Variants in DYTN observed in about 807,000 individuals in gnomAD.
DYTN encodes the protein dystrotelin.
Under a neutral mutation model 69.6 loss-of-function variants are expected in DYTN, and 75 were observed. The observed-to-expected ratio is 1.08, with a 90% confidence interval of 0.89 to 1.31. The LOEUF is 1.31. DYTN is among the 50% of genes most tolerant of loss of function. The pLI is 0.00. For missense variants in DYTN, 726 were observed against 688.4 expected (o/e 1.05, Z -0.61); for synonymous variants, 252 against 249.1 (o/e 1.01, Z -0.11).
chr2:206,658,624 T>C lies in DYTN; in HGVS notation c.1633+4279A>G, dbSNP rs75536073. Among the ~76,000 whole-genome samples the C allele has an allele frequency of 5.8e-3, 881 of 152,284 alleles. 4 individuals carry two copies. The highest frequency in any genetic ancestry group is 1.0e-2 in the South Asian group (48 of 4,818). The stretch of plus-strand genomic sequence containing the variant: ...ACAGGTTAGACAGAAGCCCAGTCCC[T>C]TGGACAGCCCCCAGAAGAGTTAGAA... On this transcript the variant is annotated intron_variant, in intron 11 of 11. Coordinates refer to ENST00000452335, the MANE Select transcript of DYTN (RefSeq NM_001093730.1).
At chr2:206,709,718 A>G (rs1374139053) in intron 2 of DYTN, among the ~76,000 whole-genome samples, 3 of 152,206 alleles carry the variant, frequency 2.0e-5, no homozygotes, top group South Asian at 4.1e-4. Flanking sequence ...GAAATGTCAT[A>G]TATATAACAT....
At chr2:206,672,557 G>T (rs1172388206) in intron 9 of DYTN, among the ~76,000 whole-genome samples, 2 of 152,208 alleles carry the variant, frequency 1.3e-5, no homozygotes, top group African/African-American at 4.8e-5. Flanking sequence ...GTCTGTATGA[G>T]CTGATGAGTA....
chr2:206,694,680 GTTTCAC>G, intron 8 of DYTN, 80 bp downstream of exon 8: 1 of 1,085,748 alleles, frequency 9.2e-7, no homozygotes, highest in South Asian at 2.0e-5. Context: ...AGAATCTGTG[GTTTCAC>G]TGGAGGGAAG....
At chr2:206,690,218 C>T (rs1302587319) in intron 9 of DYTN, among the ~76,000 whole-genome samples, 7 of 152,076 alleles carry the variant, frequency 4.6e-5, no homozygotes, top group South Asian at 2.1e-4. Flanking sequence ...AGTCAAGCCA[C>T]GCAGGGAGGT....
intron 4 of DYTN, among the ~76,000 whole-genome samples, chr2:206,705,401 A>G (rs1044240193): frequency 6.6e-6 from 1 of 152,214 alleles, no homozygotes; most frequent in Non-Finnish European, 1.5e-5. Context: ...TCCGGTCACT[A>G]TGATTTTTGT....
At chr2:206,709,939 A>G (rs1477252097) in intron 2 of DYTN, among the ~76,000 whole-genome samples, 1 of 152,222 alleles carries the variant, frequency 6.6e-6, no homozygotes, top group African/African-American at 2.4e-5. Context: ...AGATAACAGT[A>G]GGAGAAAAGA....
chr2:206,662,306 G>A (rs80244076), intron 11 of DYTN, among the ~76,000 whole-genome samples: 1 of 152,126 alleles, frequency 6.6e-6, no homozygotes, highest in African/African-American at 2.4e-5. Flanking sequence ...TTTATCAGAT[G>A]TAACCCCATT....
At chr2:206,677,326 G>A (rs771210048) in intron 9 of DYTN, among the ~76,000 whole-genome samples, 1 of 152,150 alleles carries the variant, frequency 6.6e-6, no homozygotes, top group Non-Finnish European at 1.5e-5. Flanking sequence ...CTAGCTTTAT[G>A]TTAATGGCTA....
intron 9 of DYTN, chr2:206,687,285 A>G (rs1427168241): frequency 6.4e-6 from 1 of 155,176 alleles, no homozygotes. Context: ...TCCTTACAAG[A>G]TACGACCACC....
chr2:206,652,020 T>G, intron 11 of DYTN, 99 bp from the exon 12 acceptor site: 2 of 1,123,310 alleles, frequency 1.8e-6, no homozygotes. Context: ...ACAGAATCCA[T>G]TTTTCTTCAG....
At chr2:206,709,590 A>G (rs1404325748) in intron 2 of DYTN, among the ~76,000 whole-genome samples, 1 of 151,952 alleles carries the variant, frequency 6.6e-6, no homozygotes, top group Admixed American at 6.6e-5. Flanking sequence ...CACCTGGCTA[A>G]CTCTTTTTTG....
At position 206,704,534 on chromosome 2, in the gene DYTN, A is replaced by G. The variant is rs139159992; in HGVS notation, c.483+309T>C. 1.6e-4 allele frequency among the ~76,000 whole-genome samples: 24 copies of G among 152,322 alleles called. 1 individual carries two copies. In the East Asian group the frequency reaches 4.4e-3, roughly 28 times the overall value. ...AGACAGATACATCATTGTCTTTGCT[A>G]AGCTATTTTACAACTCTAGAGAGAG... On this transcript the variant is annotated intron_variant, in intron 5 of 11. Coordinates refer to ENST00000452335, the MANE Select transcript of DYTN (RefSeq NM_001093730.1).
Position 206,705,810 on chromosome 2 carries a change from G to C in DYTN, c.360C>G (p.Asp120Glu). The C allele has an allele frequency of 1.2e-6, 2 of 1,613,884 alleles. No individual in the cohort carries two copies. The highest frequency in any genetic ancestry group is 1.7e-4 in the Middle Eastern group (1 of 6,052). ...AAAALITLSG[D>E]SPLSKYRALF... ...TACCTCGGTATTTTGAAAGAGGGCT[G>C]TCTCCTGAGAGGGTTATTAGGGCAG... Residue 120 changes from aspartate (D) to glutamate (E), a missense_variant, in exon 4 of 12, where the codon GAC becomes GAG. By Grantham distance (45) the Asp-to-Glu change is conservative. Coordinates refer to ENST00000452335, the MANE Select transcript of DYTN (RefSeq NM_001093730.1).
intron 11 of DYTN, among the ~76,000 whole-genome samples, chr2:206,653,394 A>G (rs1055887046): frequency 6.6e-6 from 1 of 152,196 alleles, no homozygotes; most frequent in African/African-American, 2.4e-5. Flanking sequence ...AAATAAATGT[A>G]AGGACTGAAT....
At chr2:206,667,777 T>A (rs1699589711) in intron 9 of DYTN, among the ~76,000 whole-genome samples, 2 of 151,916 alleles carry the variant, frequency 1.3e-5, no homozygotes, top group African/African-American at 4.8e-5. Context: ...TGTCATATAG[T>A]AGGTTTACAA....
At chr2:206,696,152 C>T (rs886577818) in intron 7 of DYTN, among the ~76,000 whole-genome samples, 1 of 152,116 alleles carries the variant, frequency 6.6e-6, no homozygotes, top group African/African-American at 2.4e-5. Context: ...GAGGCTCATG[C>T]TATACATGGA....
intron 9 of DYTN, chr2:206,679,002 C>T (rs1039785814): frequency 4.6e-5 from 7 of 152,068 alleles, no homozygotes; most frequent in Non-Finnish European, 7.4e-5. Context: ...AGTTCCTTTC[C>T]GTTTTGGACT....
chr2:206,667,779 G>T (rs1314904652), intron 9 of DYTN, among the ~76,000 whole-genome samples: 1 of 150,804 alleles, frequency 6.6e-6, no homozygotes. Context: ...TCATATAGTA[G>T]GTTTACAACT....
chr2:206,658,914 G>A (rs1559303896), intron 11 of DYTN, among the ~76,000 whole-genome samples: 2 of 150,036 alleles, frequency 1.3e-5, no homozygotes, highest in Admixed American at 1.3e-4. Flanking sequence ...AAATAACTTA[G>A]TAGACATATG....
Sources: gnomAD v4.1 joint callset for allele counts (sites outside exome capture counted in the v4.1 genomes callset) on GRCh38, gnomAD v4.1.1 for gene constraint, MANE v1.5 for transcripts, NCBI Gene and HGNC (gene_info 2026-07-23, HGNC 2026-07-21) for gene names.